The following TRMT11 variants were observed in gnomAD, a reference collection of about 807,000 sequenced individuals.
TRMT11 encodes the protein tRNA (guanine(10)-N(2))-methyltransferase TRMT11.
TRMT11 carries 53 observed loss-of-function variants against 62.8 expected under a neutral mutation model. The ratio of observed to expected loss-of-function variants is 0.84; its 90% confidence interval spans 0.68 to 1.06. TRMT11 has a LOEUF of 1.06. Ranked by LOEUF, TRMT11 falls within the 50% of genes least tolerant of loss-of-function variation. TRMT11 has a pLI of 0.00. For missense variants in TRMT11, 556 were observed against 553.4 expected (o/e 1.00, Z -0.05); for synonymous variants, 188 against 190.3 (o/e 0.99, Z 0.10).
intron 1 of TRMT11, among the ~76,000 whole-genome samples, chr6:126,182,599 G>A (rs1361120322): frequency 6.6e-6 from 1 of 152,034 alleles, no homozygotes; most frequent in Non-Finnish European, 1.5e-5. Context: ...CCACCATGCA[G>A]TGTGACCCTT....
intron 21 of TRMT11, among the ~76,000 whole-genome samples, chr6:126,123,116 CTTTAA>C (rs1777668488): frequency 6.6e-6 from 1 of 152,086 alleles, no homozygotes; most frequent in Non-Finnish European, 1.5e-5. Context: ...TGTAGCCTTG[CTTTAA>C]GGATAAAATG....
downstream of TRMT11, among the ~76,000 whole-genome samples, chr6:126,040,639 A>T (rs1031075711): frequency 2.0e-5 from 3 of 152,008 alleles, no homozygotes; most frequent in African/African-American, 7.2e-5. Context: ...TCACCTAGCA[A>T]ATTGCCTGCA....
chr6:126,014,979 G>A (rs1373635779), intron 11 of TRMT11, among the ~76,000 whole-genome samples: 1 of 151,726 alleles, frequency 6.6e-6, no homozygotes, highest in East Asian at 1.9e-4. Flanking sequence ...TCAGATAAGA[G>A]TATATTTGTT....
intron 17 of TRMT11, among the ~76,000 whole-genome samples, chr6:126,100,952 T>C (rs1303063115): frequency 6.6e-6 from 1 of 152,148 alleles, no homozygotes; most frequent in African/African-American, 2.4e-5. Context: ...GCAACCTAGA[T>C]GCCTTCTATG....
chr6:126,021,121 C>T (rs1562274964), intron 11 of TRMT11, 39 bp from the exon 12 acceptor site: 11 of 1,611,122 alleles, frequency 6.8e-6, no homozygotes, highest in African/African-American at 2.7e-5. Context: ...GTGGCCCACA[C>T]ATGTGAGTGT....
At chr6:126,033,410 T>G (rs2128053259) in intron 12 of TRMT11, among the ~76,000 whole-genome samples, 1 of 152,268 alleles carries the variant, frequency 6.6e-6, no homozygotes, top group East Asian at 1.9e-4. Context: ...AGCATCTTTT[T>G]GGGTTCTTTT....
Position 126,001,045 on chromosome 6 carries a change from C to G in TRMT11, c.679+1432C>G, listed in dbSNP as rs77971187. Among the ~76,000 whole-genome samples, 37 of 152,224 alleles carry G rather than the reference C, an allele frequency of 2.4e-4. 1 individual carries two copies. The East Asian group carries it at 6.9e-3, about 29-fold the overall frequency. On this transcript the variant is annotated intron_variant, in intron 7 of 12. Transcript: ENST00000334379. ...TTACATAATCTTTTCTTTCCTGCATCATTTGAAAGTTGTATCCATCACATC... is the reference window on the plus strand; with the variant it reads ...TTACATAATCTTTTCTTTCCTGCATGATTTGAAAGTTGTATCCATCACATC...
intron 7 of TRMT11, among the ~76,000 whole-genome samples, chr6:126,004,264 T>C (rs1333582400): frequency 1.3e-5 from 2 of 151,988 alleles, no homozygotes; most frequent in Non-Finnish European, 2.9e-5. Flanking sequence ...GGACCATTTA[T>C]AGTGTGTTGA....
chr6:126,050,170 AAAT>A (rs1213410177), intron 16 of TRMT11, among the ~76,000 whole-genome samples: 12 of 152,032 alleles, frequency 7.9e-5, no homozygotes, highest in African/African-American at 2.7e-4. Flanking sequence ...CTCTACTAAA[AAAT>A]ACAAAAATTA....
intron 21 of TRMT11, among the ~76,000 whole-genome samples, chr6:126,154,036 T>C (rs1256779919): frequency 1.3e-5 from 2 of 152,202 alleles, no homozygotes; most frequent in South Asian, 2.1e-4. Flanking sequence ...TTATTCCACG[T>C]TGGTACCACT....
At chr6:126,214,981 T>C in the TRMT11 span, among the ~76,000 whole-genome samples, 2 of 152,010 alleles carry the variant, frequency 1.3e-5, no homozygotes, top group African/African-American at 4.8e-5. Context: ...AATTTCTTAA[T>C]TAACCAATAG....
chr6:126,084,600 C>G (rs1196235338), intron 17 of TRMT11, among the ~76,000 whole-genome samples: 2 of 152,012 alleles, frequency 1.3e-5, no homozygotes, highest in Non-Finnish European at 2.9e-5. Flanking sequence ...TGCTTTGTGG[C>G]CTGAGCTTTT....
chr6:126,213,399 A>G, the TRMT11 span, among the ~76,000 whole-genome samples: 25 of 152,102 alleles, frequency 1.6e-4, no homozygotes, highest in Non-Finnish European at 2.5e-4. Context: ...CTTCTAATCC[A>G]AGAACATAGA....
intron 17 of TRMT11, among the ~76,000 whole-genome samples, chr6:126,062,071 A>G (rs926683114): frequency 6.6e-6 from 1 of 151,888 alleles, no homozygotes; most frequent in Non-Finnish European, 1.5e-5. Flanking sequence ...ATTTTTTTTG[A>G]TAGAGATGAG....
chr6:126,240,405 G>T, the TRMT11 span, among the ~76,000 whole-genome samples: 1 of 152,172 alleles, frequency 6.6e-6, no homozygotes, highest in African/African-American at 2.4e-5. Context: ...TGTCATTTCT[G>T]TTTGTTAGTT....
At chr6:126,043,900 C>T (rs1241174349), downstream of TRMT11, among the ~76,000 whole-genome samples, 4 of 151,506 alleles carry the variant, frequency 2.6e-5, no homozygotes, top group Admixed American at 6.6e-5. Flanking sequence ...TTGATGGGGT[C>T]GTTTGTTTTT....
chr6:126,198,786 T>G (rs1778701168), intron 1 of TRMT11: 1 of 152,228 alleles, frequency 6.6e-6, no homozygotes, highest in African/African-American at 2.4e-5. Flanking sequence ...AGAAACTCTA[T>G]GTATATTTTC....
At chr6:126,031,075 G>A (rs556496486) in intron 12 of TRMT11, among the ~76,000 whole-genome samples, 1 of 152,106 alleles carries the variant, frequency 6.6e-6, no homozygotes. Flanking sequence ...GGGGCAAGGA[G>A]GTTGAGGAAA....
At chr6:126,057,924 T>G (rs1295713433) in intron 17 of TRMT11, among the ~76,000 whole-genome samples, 1 of 151,934 alleles carries the variant, frequency 6.6e-6, no homozygotes. Context: ...GCTAGACAGC[T>G]CCATCTCCCC....
Sources: allele counts gnomAD v4.1 joint callset (sites outside exome capture counted in the v4.1 genomes callset), GRCh38; gene constraint gnomAD v4.1.1; transcripts MANE v1.5; gene names NCBI Gene and HGNC (gene_info 2026-07-23, HGNC 2026-07-21).